GRIN2A: variants seen among roughly 807,000 people sequenced by gnomAD.
GRIN2A encodes the protein glutamate receptor ionotropic, NMDA 2A.
A neutral mutation model predicts 113.4 loss-of-function variants in GRIN2A; 22 were observed. The ratio of observed to expected loss-of-function variants is 0.19; its 90% CI spans 0.14 to 0.28. The LOEUF (loss-of-function observed/expected upper bound fraction) is 0.28, where lower values mean the gene tolerates loss of function less well. Among genes scored for constraint, GRIN2A ranks in the 10% least tolerant of loss-of-function variants. The pLI is 1.00. For synonymous variants in GRIN2A, 827 were observed against 738.4 expected, an observed-to-expected ratio of 1.12 and a Z score of -1.94; for missense variants, 1,502 against 1,887.0, an observed-to-expected ratio of 0.80 and a Z score of 3.78.
At chr16:9,912,104 G>C (rs28507492) in intron 3 of GRIN2A, among the ~76,000 whole-genome samples, 6 of 151,716 alleles carry the variant, frequency 4.0e-5, no homozygotes, top group Admixed American at 1.3e-4. Flanking sequence ...GGTGATGGTG[G>C]TGATGGTGAT....
chr16:9,930,134 A>G (rs1258518458), intron 3 of GRIN2A, among the ~76,000 whole-genome samples: 2 of 152,174 alleles, frequency 1.3e-5, no homozygotes, highest in Non-Finnish European at 2.9e-5. Flanking sequence ...CTCAGGCTGA[A>G]CACCCAGCAA....
At chr16:9,982,590 C>T (rs1202497517) in intron 2 of GRIN2A, among the ~76,000 whole-genome samples, 1 of 152,218 alleles carries the variant, frequency 6.6e-6, no homozygotes, top group Non-Finnish European at 1.5e-5. Flanking sequence ...CCCTAGCATC[C>T]TCCAAGGGTT....
chr16:10,128,908 A>G (rs1251069738), intron 2 of GRIN2A, among the ~76,000 whole-genome samples: 1 of 152,324 alleles, frequency 6.6e-6, no homozygotes, highest in African/African-American at 2.4e-5. Context: ...AGCTATTAAC[A>G]ATAGTATTTC....
At chr16:9,769,119 G>A (rs776649037) in intron 11 of GRIN2A, 30 bp from the exon 12 acceptor site, 1 of 1,548,702 alleles carries the variant, frequency 6.5e-7, no homozygotes, top group South Asian at 1.1e-5. Context: ...CACAGGCAGT[G>A]AGGACCAGAA....
At chr16:9,896,869 T>G (rs899406657) in intron 3 of GRIN2A, among the ~76,000 whole-genome samples, 3 of 152,196 alleles carry the variant, frequency 2.0e-5, no homozygotes, top group Non-Finnish European at 2.9e-5. Context: ...GAAATACCAT[T>G]TTACACCACA....
intron 2 of GRIN2A, among the ~76,000 whole-genome samples, chr16:9,953,126 A>C (rs186121440): frequency 6.6e-6 from 1 of 152,328 alleles, no homozygotes; most frequent in East Asian, 1.9e-4. Context: ...AACTCCAGAA[A>C]AGAGAGAAAG....
chr16:9,867,931 C>G (rs1387566410), intron 4 of GRIN2A, among the ~76,000 whole-genome samples: 1 of 152,118 alleles, frequency 6.6e-6, no homozygotes, highest in Non-Finnish European at 1.5e-5. Context: ...CGAGAAACCT[C>G]AAACTCAGTA....
At chr16:10,103,041 A>G (rs1159103325) in intron 2 of GRIN2A, among the ~76,000 whole-genome samples, 1 of 152,216 alleles carries the variant, frequency 6.6e-6, no homozygotes, top group East Asian at 1.9e-4. Flanking sequence ...GATCCTTGAC[A>G]TCAAGAAGCT....
At chr16:9,851,529 C>A (rs2042882431) in intron 4 of GRIN2A, among the ~76,000 whole-genome samples, 1 of 152,148 alleles carries the variant, frequency 6.6e-6, no homozygotes, top group Admixed American at 6.5e-5. Context: ...ATAGATCAAA[C>A]CAAAAATACT....
At chr16:9,920,361 G>A (rs888099565) in intron 3 of GRIN2A, among the ~76,000 whole-genome samples, 2 of 152,132 alleles carry the variant, frequency 1.3e-5, no homozygotes, top group African/African-American at 2.4e-5. Flanking sequence ...TCACCTCATC[G>A]GCTGAAGACA....
chr16:10,134,072 T>C (rs2049134358), intron 2 of GRIN2A, among the ~76,000 whole-genome samples: 1 of 151,814 alleles, frequency 6.6e-6, no homozygotes. Flanking sequence ...GGTGCATGCC[T>C]GTAGTCCAAC....
intron 2 of GRIN2A, among the ~76,000 whole-genome samples, chr16:10,036,253 A>G (rs2047022754): frequency 6.6e-6 from 1 of 152,018 alleles, no homozygotes; most frequent in Non-Finnish European, 1.5e-5. Context: ...GGCTTGAACA[A>G]TATAATTTTT....
intron 2 of GRIN2A, among the ~76,000 whole-genome samples, chr16:9,947,870 A>C (rs186450728): frequency 2.6e-4 from 39 of 152,300 alleles, no homozygotes; most frequent in Admixed American, 2.0e-3. Context: ...CTCTGAGCAC[A>C]TACCGAGAGC....
chr16:10,172,503 T>C (rs2050062435), intron 2 of GRIN2A, among the ~76,000 whole-genome samples: 1 of 152,216 alleles, frequency 6.6e-6, no homozygotes, highest in Non-Finnish European at 1.5e-5. Flanking sequence ...CAGGATACTG[T>C]GTATGTAACA....
At chr16:10,002,564 G>C (rs1034227091) in intron 2 of GRIN2A, among the ~76,000 whole-genome samples, 1 of 152,144 alleles carries the variant, frequency 6.6e-6, no homozygotes, top group Non-Finnish European at 1.5e-5. Context: ...CTCCATGAGA[G>C]AAGTTGGAAA....
At chr16:9,994,023 C>T (rs2046176228) in intron 2 of GRIN2A, among the ~76,000 whole-genome samples, 1 of 152,168 alleles carries the variant, frequency 6.6e-6, no homozygotes, top group Admixed American at 6.5e-5. Flanking sequence ...TTTGAACATT[C>T]TGTAGTGAGG....
chr16:10,072,644 G>A (rs9927648), intron 2 of GRIN2A, among the ~76,000 whole-genome samples: 14,483 of 152,178 alleles, frequency 0.095, 769 homozygotes, highest in African/African-American at 0.11. Flanking sequence ...TCTAGAATAA[G>A]GCAGTGCCTC....
At position 9,966,889 on chromosome 16, in the gene GRIN2A, T is replaced by C. The variant is rs139528666; in HGVS notation, c.415-28338A>G. Among the ~76,000 whole-genome samples, 461 of 152,306 alleles carry C rather than the reference T, an allele frequency of 3.0e-3. 3 individuals carry two copies. The highest frequency in any genetic ancestry group is 0.011 in the African/African-American group (437 of 41,578). On this transcript the variant is annotated intron_variant, in intron 2 of 12. Transcript: ENST00000330684. ...TCTCAAGTGATAGTGATGATGCTGG[T>C]CCAGAAACCACACTTTGAGAACCAC...
At chr16:9,986,626 G>T (rs376876727) in intron 2 of GRIN2A, among the ~76,000 whole-genome samples, 1 of 151,854 alleles carries the variant, frequency 6.6e-6, no homozygotes, top group South Asian at 2.1e-4. Flanking sequence ...TTAGCCAGGC[G>T]TGCTGGCGGG....
Sources: allele counts gnomAD v4.1 joint callset (sites outside exome capture counted in the v4.1 genomes callset), GRCh38; gene constraint gnomAD v4.1.1; transcripts MANE v1.5; gene names NCBI Gene and HGNC (gene_info 2026-07-23, HGNC 2026-07-21).